GALNTL6: variants seen among roughly 807,000 people sequenced by gnomAD.
GALNTL6 encodes the protein polypeptide N-acetylgalactosaminyltransferase like 6.
A neutral mutation model predicts 73.7 loss-of-function variants in GALNTL6; 46 were observed. That is an observed-to-expected ratio of 0.62 (90% CI 0.49 to 0.80). GALNTL6 has a LOEUF of 0.80. GALNTL6 is among the 30% of genes least tolerant of loss of function. GALNTL6 has a pLI of 0.00. For missense variants in GALNTL6, 604 were observed against 755.0 expected (o/e 0.80, Z 2.34); for synonymous variants, 259 against 263.7 (o/e 0.98, Z 0.17).
At chr4:173,031,933 C>A (rs1287896594) in intron 12 of GALNTL6, among the ~76,000 whole-genome samples, 1 of 152,168 alleles carries the variant, frequency 6.6e-6, no homozygotes, top group Non-Finnish European at 1.5e-5. Context: ...GACAAACTAA[C>A]TTCTAAATGG....
chr4:172,701,311 G>A (rs973612798), intron 5 of GALNTL6, among the ~76,000 whole-genome samples: 29 of 152,064 alleles, frequency 1.9e-4, no homozygotes, highest in Non-Finnish European at 4.0e-4. Flanking sequence ...TCAACATAGA[G>A]AGAAGTTGCT....
chr4:172,337,856 A>C (rs1741401020), intron 4 of GALNTL6, among the ~76,000 whole-genome samples: 1 of 152,032 alleles, frequency 6.6e-6, no homozygotes, highest in Admixed American at 6.5e-5. Flanking sequence ...TTATTATCTC[A>C]AATATACTTT....
chr4:172,459,755 A>C (rs1732541823), intron 5 of GALNTL6, among the ~76,000 whole-genome samples: 1 of 152,226 alleles, frequency 6.6e-6, no homozygotes, highest in African/African-American at 2.4e-5. Context: ...CATGGGTAGG[A>C]AGAATCAACG....
At chr4:171,932,394 T>TA (rs1560847083) in intron 2 of GALNTL6, among the ~76,000 whole-genome samples, 1 of 152,078 alleles carries the variant, frequency 6.6e-6, no homozygotes, top group Admixed American at 6.6e-5. Flanking sequence ...CCGAGTGTTG[T>TA]AAAAAAATAA....
chr4:172,801,761 A>T (rs1369386816), intron 5 of GALNTL6, among the ~76,000 whole-genome samples: 3 of 152,160 alleles, frequency 2.0e-5, no homozygotes, highest in Non-Finnish European at 2.9e-5. Context: ...TATCCTGAAA[A>T]TATATACAGT....
intron 5 of GALNTL6, among the ~76,000 whole-genome samples, chr4:172,621,137 C>T (rs779031384): frequency 8.5e-5 from 13 of 152,164 alleles, no homozygotes; most frequent in Non-Finnish European, 1.8e-4. Context: ...AGGAGAAATG[C>T]AGAATTTCAT....
At position 171,828,549 on chromosome 4, in the gene GALNTL6, G is replaced by A. The variant is rs117007262; in HGVS notation, c.138+13831G>A. Among the ~76,000 whole-genome samples, 11 of 152,228 alleles carry A rather than the reference G, an allele frequency of 7.2e-5. No individual in the cohort carries two copies. The East Asian group carries it at 1.2e-3, about 16-fold the overall frequency. On this transcript the variant is annotated intron_variant, in intron 2 of 12. Transcript: ENST00000506823. ...CAGACAATTCATCTTATAAACAAAC[G>A]AAACAAACTTATGGTATTGATAAAC...
At chr4:172,479,081 C>T (rs1268427529) in intron 5 of GALNTL6, among the ~76,000 whole-genome samples, 1 of 152,170 alleles carries the variant, frequency 6.6e-6, no homozygotes, top group African/African-American at 2.4e-5. Context: ...TGAATTAGTA[C>T]AGCCTCTATG....
chr4:172,187,450 A>G (rs1031369734), intron 2 of GALNTL6, among the ~76,000 whole-genome samples: 3 of 152,132 alleles, frequency 2.0e-5, no homozygotes, highest in African/African-American at 7.2e-5. Flanking sequence ...CCCTCTCGAG[A>G]CAATCAAAAT....
intron 2 of GALNTL6, among the ~76,000 whole-genome samples, chr4:171,840,165 A>C (rs189401993): frequency 2.0e-5 from 3 of 152,192 alleles, no homozygotes; most frequent in East Asian, 3.9e-4. Context: ...ATTCTGAAAG[A>C]GTTACAAACA....
At position 172,901,650 on chromosome 4, in the gene GALNTL6, T is replaced by A. The variant is rs2111240882; in HGVS notation, c.1041+18743T>A. Among the ~76,000 whole-genome samples the A allele has an allele frequency of 1.3e-5, 2 of 152,304 alleles. 1 individual carries two copies. Among genetic ancestry groups the A allele is most frequent in the Middle Eastern group, 6.8e-3 (2 of 294 alleles). On this transcript the variant is annotated intron_variant, in intron 8 of 12. Coordinates refer to ENST00000506823, the MANE Select transcript of GALNTL6 (RefSeq NM_001034845.3). ...CAAAGAATCATTTCACTAAAGTGTA[T>A]GACAAAACTTCATGGCCGAACGAAA... is the stretch of plus-strand genomic sequence containing the variant.
At chr4:173,027,506 CTAAA>C (rs1753282204) in intron 12 of GALNTL6, among the ~76,000 whole-genome samples, 1 of 152,256 alleles carries the variant, frequency 6.6e-6, no homozygotes, top group South Asian at 2.1e-4. Context: ...TACCATGTAA[CTAAA>C]TAGTCTTAGC....
chr4:172,749,894 G>T (rs538123448), intron 5 of GALNTL6, among the ~76,000 whole-genome samples: 25 of 151,994 alleles, frequency 1.6e-4, no homozygotes, highest in African/African-American at 6.0e-4. Context: ...GTATGGTTTT[G>T]TTATTTTGTG....
At chr4:172,470,829 C>T (rs988550438) in intron 5 of GALNTL6, among the ~76,000 whole-genome samples, 3 of 152,138 alleles carry the variant, frequency 2.0e-5, no homozygotes, top group African/African-American at 7.2e-5. Context: ...TACACGTATT[C>T]GTGTGCATGG....
intron 5 of GALNTL6, among the ~76,000 whole-genome samples, chr4:172,681,742 AG>A (rs1267534697): frequency 6.6e-6 from 1 of 152,176 alleles, no homozygotes; most frequent in Non-Finnish European, 1.5e-5. Context: ...TTTCAGGACA[AG>A]AACCTGAAGG....
chr4:172,011,894 A>G (rs1330192161), intron 2 of GALNTL6, among the ~76,000 whole-genome samples: 1 of 152,114 alleles, frequency 6.6e-6, no homozygotes, highest in Non-Finnish European at 1.5e-5. Flanking sequence ...GAATAAATGA[A>G]TTTTTCATAG....
intron 2 of GALNTL6, among the ~76,000 whole-genome samples, chr4:171,955,481 C>A (rs1739015906): frequency 6.6e-6 from 1 of 151,960 alleles, no homozygotes; most frequent in Non-Finnish European, 1.5e-5. Context: ...ATGCCAAAAT[C>A]TAAGGATGCT....
At chr4:172,780,259 A>T (rs890943018) in intron 5 of GALNTL6, among the ~76,000 whole-genome samples, 1 of 152,180 alleles carries the variant, frequency 6.6e-6, no homozygotes, top group African/African-American at 2.4e-5. Flanking sequence ...TCTATTCAGA[A>T]TTGCCTTCAA....
intron 5 of GALNTL6, among the ~76,000 whole-genome samples, chr4:172,480,342 T>G (rs1733403163): frequency 1.3e-5 from 2 of 152,114 alleles, no homozygotes; most frequent in Non-Finnish European, 2.9e-5. Flanking sequence ...TCATAACTCG[T>G]GGTCTCTTTA....
Sources: allele counts gnomAD v4.1 joint callset (sites outside exome capture counted in the v4.1 genomes callset), GRCh38; gene constraint gnomAD v4.1.1; transcripts MANE v1.5; gene names NCBI Gene and HGNC (gene_info 2026-07-23, HGNC 2026-07-21).